The following SMIM36 variants were observed in gnomAD, a reference collection of about 807,000 sequenced individuals.
SMIM36 encodes the protein small integral membrane protein 36.
chr17:55,496,583 T>C (rs890735563), intron 1 of SMIM36, among the ~76,000 whole-genome samples: 3 of 152,218 alleles, frequency 2.0e-5, no homozygotes, highest in Non-Finnish European at 4.4e-5. Context: ...TGTATCTCAA[T>C]CACTAGTGTC....
intron 1 of SMIM36, among the ~76,000 whole-genome samples, chr17:55,482,649 A>G (rs151296748): frequency 2.4e-4 from 36 of 152,360 alleles, no homozygotes; most frequent in African/African-American, 8.7e-4. Flanking sequence ...TGAATGGATA[A>G]CAAAGAGACA....
At chr17:55,504,194 G>A (rs1291452799) in intron 1 of SMIM36, among the ~76,000 whole-genome samples, 5 of 97,510 alleles carry the variant, frequency 5.1e-5, no homozygotes, top group Non-Finnish European at 9.5e-5. Context: ...AGGATACCCA[G>A]GAATTGAACT....
the SMIM36 span, among the ~76,000 whole-genome samples, chr17:55,529,506 G>A: frequency 2.6e-5 from 4 of 151,890 alleles, no homozygotes; most frequent in South Asian, 2.1e-4. Context: ...GGTGGCTCAC[G>A]CCTGTAATCC....
chr17:55,510,912 C>T (rs1391995694), exon 1 of SMIM36: 4 of 393,030 alleles, frequency 1.0e-5, no homozygotes, highest in African/African-American at 6.2e-5. Flanking sequence ...AAGAAGGTGA[C>T]GAGAAAACAG....
intron 1 of SMIM36, among the ~76,000 whole-genome samples, chr17:55,501,175 A>T (rs367554596): frequency 0.37 from 516 of 1,378 alleles, 207 homozygotes; most frequent in East Asian, 0.79. Context: ...TATCTTATAT[A>T]TTATAATATA....
At chr17:55,486,664 C>T (rs999437479) in intron 1 of SMIM36, among the ~76,000 whole-genome samples, 2 of 152,120 alleles carry the variant, frequency 1.3e-5, no homozygotes, top group African/African-American at 4.8e-5. Context: ...GTTTCACTAC[C>T]CATAAGCGTG....
At chr17:55,458,005 T>G (rs1909059880) in intron 4 of SMIM36, among the ~76,000 whole-genome samples, 1 of 152,170 alleles carries the variant, frequency 6.6e-6, no homozygotes, top group Non-Finnish European at 1.5e-5. Context: ...TGCGAGTATG[T>G]GCTCTCCGCT....
chr17:55,459,187 C>T (rs937731562), intron 4 of SMIM36, among the ~76,000 whole-genome samples: 3 of 152,192 alleles, frequency 2.0e-5, no homozygotes, highest in Non-Finnish European at 2.9e-5. Flanking sequence ...CCCCATCACA[C>T]GCCCTGAGAG....
intron 4 of SMIM36, among the ~76,000 whole-genome samples, chr17:55,456,706 A>G (rs1909031154): frequency 6.6e-6 from 1 of 152,226 alleles, no homozygotes; most frequent in African/African-American, 2.4e-5. Context: ...TCTCTTGAAT[A>G]TAGTAGGAAG....
At chr17:55,469,095 C>T (rs1014020759) in intron 3 of SMIM36, among the ~76,000 whole-genome samples, 4 of 150,434 alleles carry the variant, frequency 2.7e-5, no homozygotes, top group Non-Finnish European at 4.4e-5. Context: ...TCCTTTGAAT[C>T]CTCCTTTTCT....
chr17:55,464,383 A>G (rs1041149737), intron 4 of SMIM36, among the ~76,000 whole-genome samples: 6 of 152,286 alleles, frequency 3.9e-5, no homozygotes, highest in African/African-American at 1.4e-4. Context: ...GTCAGTTCCC[A>G]TTCAGTGCTT....
chr17:55,503,782 G>A (rs200961531), intron 1 of SMIM36, among the ~76,000 whole-genome samples: 39,196 of 96,714 alleles, frequency 0.41, 8,685 homozygotes, highest in African/African-American at 0.58. Flanking sequence ...AGACTGGCAA[G>A]TTGGATAAAG....
At chr17:55,500,287 G>C (rs1238451421) in intron 1 of SMIM36, among the ~76,000 whole-genome samples, 1 of 151,976 alleles carries the variant, frequency 6.6e-6, no homozygotes, top group Admixed American at 6.6e-5. Flanking sequence ...ACCATACTCA[G>C]CTAATTCTTT....
rs139098886 is a variant in SMIM36, at chr17:55,497,634, G to T, written c.*174+13245C>A. Among the ~76,000 whole-genome samples the T allele has an allele frequency of 1.8e-3, 274 of 152,232 alleles. 13 individuals are homozygous for T. The East Asian group carries it at 0.046, about 26-fold the overall frequency. ...CCAGCTACTTGGGAGGCTGAGGCAG[G>T]AGGATTGCTTGAACCCAGGAGTTCA... On this transcript the variant is annotated intron_variant, in intron 1 of 4. Transcript: ENST00000636752.
chr17:55,531,636 A>C, the SMIM36 span, among the ~76,000 whole-genome samples: 2 of 152,248 alleles, frequency 1.3e-5, no homozygotes, highest in African/African-American at 4.8e-5. Context: ...TCAATGTCAA[A>C]GGGAAAAAGT....
At chr17:55,531,576 C>T in the SMIM36 span, among the ~76,000 whole-genome samples, 1 of 152,126 alleles carries the variant, frequency 6.6e-6, no homozygotes, top group African/African-American at 2.4e-5. Flanking sequence ...AACCTTTGGC[C>T]TTGATAAGGT....
the SMIM36 span, among the ~76,000 whole-genome samples, chr17:55,530,876 G>C: frequency 2.0e-5 from 3 of 152,282 alleles, no homozygotes; most frequent in South Asian, 2.1e-4. Flanking sequence ...ATAAGTGACA[G>C]GTTGTTTTTT....
intron 4 of SMIM36, among the ~76,000 whole-genome samples, chr17:55,464,607 G>T (rs1258924977): frequency 6.6e-6 from 1 of 152,178 alleles, no homozygotes. Context: ...AGGTTTAAAA[G>T]GCACAGGATA....
chr17:55,480,636 A>G (rs576138037), intron 1 of SMIM36, among the ~76,000 whole-genome samples: 1 of 152,330 alleles, frequency 6.6e-6, no homozygotes, highest in African/African-American at 2.4e-5. Flanking sequence ...TTTGATGTCT[A>G]ATAATAATGA....
Sources: gnomAD v4.1 joint callset for allele counts (sites outside exome capture counted in the v4.1 genomes callset) on GRCh38, gnomAD v4.1.1 for gene constraint, MANE v1.5 for transcripts, NCBI Gene and HGNC (gene_info 2026-07-23, HGNC 2026-07-21) for gene names.